PLD5: variants seen among roughly 807,000 people sequenced by gnomAD.
PLD5 encodes the protein inactive phospholipase D5.
In PLD5, 36 loss-of-function variants were observed where a neutral mutation model predicts 61.1. The observed-to-expected ratio is 0.59, with a 90% confidence interval of 0.45 to 0.78. The LOEUF is 0.78. PLD5 is among the 30% of genes least tolerant of loss of function. PLD5 has a pLI of 0.00. For synonymous variants in PLD5, 243 were observed against 242.8 expected (o/e 1.00, Z -0.01); for missense variants, 515 against 644.4 (o/e 0.80, Z 2.17).
At chr1:242,301,891 C>CGGG (rs1344923288) in intron 2 of PLD5, among the ~76,000 whole-genome samples, 1 of 151,920 alleles carries the variant, frequency 6.6e-6, no homozygotes, top group Non-Finnish European at 1.5e-5. Flanking sequence ...AACTCACCTG[C>CGGG]TTCAGCCTCC....
chr1:242,343,884 G>T (rs1483579437), intron 2 of PLD5, among the ~76,000 whole-genome samples: 1 of 152,054 alleles, frequency 6.6e-6, no homozygotes, highest in East Asian at 1.9e-4. Flanking sequence ...AGACAGAAGG[G>T]GTTGATAGAG....
upstream of PLD5, among the ~76,000 whole-genome samples, chr1:242,528,539 C>T (rs940071171): frequency 6.6e-6 from 1 of 151,060 alleles, no homozygotes; most frequent in Non-Finnish European, 1.5e-5. Context: ...AAATTTAAGA[C>T]CAAAAGTATC....
chr1:242,486,392 T>C (rs1436683599), intron 1 of PLD5, among the ~76,000 whole-genome samples: 3 of 152,066 alleles, frequency 2.0e-5, no homozygotes, highest in Non-Finnish European at 4.4e-5. Context: ...CATCAAAAAG[T>C]GGGCGAAGGA....
rs1179329004 is a variant in PLD5 at position 242,393,210 on chromosome 1, AT to A, written c.190-44969del. 7.3e-4 allele frequency among the ~76,000 whole-genome samples: 64 copies of A among 88,106 alleles called. 2 individuals carry two copies. Among genetic ancestry groups the A allele is most frequent in the African/African-American group, 4.2e-3 (62 of 14,846 alleles). The allele number at this position is 88,106 out of a possible 152,430, so 57.8% of individuals were successfully genotyped here. A position where few individuals can be genotyped will look rare whatever the true frequency, so the allele number is the denominator to read the frequency against. The stretch of plus-strand genomic sequence containing the variant: ...GACGACGACTCCGTCTCAAAAAAAT[AT>A]ATATATATATATGAGTATATATATG... On this transcript the variant is annotated intron_variant, in intron 1 of 9. Coordinates refer to ENST00000536534, the MANE Select transcript of PLD5 (RefSeq NM_001372062.1).
At chr1:242,160,758 G>A (rs1354010373) in intron 5 of PLD5, among the ~76,000 whole-genome samples, 4 of 152,020 alleles carry the variant, frequency 2.6e-5, no homozygotes, top group South Asian at 2.1e-4. Context: ...GGTTGCACAC[G>A]CCTGTAGTCC....
intron 5 of PLD5, among the ~76,000 whole-genome samples, chr1:242,214,471 T>C (rs530602231): frequency 1.3e-5 from 2 of 152,346 alleles, no homozygotes; most frequent in East Asian, 3.9e-4. Context: ...CATCCTGTTT[T>C]TATTACACAC....
intron 1 of PLD5, among the ~76,000 whole-genome samples, chr1:242,477,557 G>C (rs984886132): frequency 1.3e-5 from 2 of 152,192 alleles, no homozygotes; most frequent in Admixed American, 6.5e-5. Context: ...TGAGGCGCAG[G>C]GGAGAGAATG....
chr1:242,347,442 C>T (rs1660200529), intron 2 of PLD5, among the ~76,000 whole-genome samples: 1 of 152,084 alleles, frequency 6.6e-6, no homozygotes, highest in South Asian at 2.1e-4. Context: ...CTTCACCCTC[C>T]CCGAACCTGA....
intron 1 of PLD5, among the ~76,000 whole-genome samples, chr1:242,442,764 C>T (rs920178905): frequency 6.6e-6 from 1 of 152,180 alleles, no homozygotes; most frequent in African/African-American, 2.4e-5. Flanking sequence ...TAATCCTAAA[C>T]TAGTAAAGTC....
chr1:242,117,120 C>G (rs151137167), intron 6 of PLD5, among the ~76,000 whole-genome samples: 2 of 152,256 alleles, frequency 1.3e-5, no homozygotes, highest in Admixed American at 1.3e-4. Flanking sequence ...TGAACTGACT[C>G]CTGGTTTCTC....
chr1:242,419,380 A>AT (rs925645948), intron 1 of PLD5, among the ~76,000 whole-genome samples: 2 of 114,630 alleles, frequency 1.7e-5, no homozygotes, highest in Non-Finnish European at 3.4e-5. Flanking sequence ...TGCAGTCCTG[A>AT]TTTTTGTTTT....
intron 1 of PLD5, among the ~76,000 whole-genome samples, chr1:242,514,916 A>C (rs1219726525): frequency 6.6e-6 from 1 of 152,226 alleles, no homozygotes. Context: ...AGAGGACAGG[A>C]GAAGCATAGA....
chr1:242,265,778 A>C (rs901620873), intron 3 of PLD5, among the ~76,000 whole-genome samples: 1 of 152,220 alleles, frequency 6.6e-6, no homozygotes, highest in East Asian at 1.9e-4. Context: ...AAGATTAAGC[A>C]GTTGTGTTTT....
chr1:242,367,788 C>G (rs1661425024), intron 1 of PLD5, among the ~76,000 whole-genome samples: 2 of 152,026 alleles, frequency 1.3e-5, no homozygotes. Context: ...ACAGGTGAAC[C>G]CTTGAAAATA....
intron 3 of PLD5, among the ~76,000 whole-genome samples, chr1:242,275,857 T>C (rs2149119739): frequency 6.6e-6 from 1 of 152,018 alleles, no homozygotes; most frequent in African/African-American, 2.4e-5. Context: ...CATTGAAGAG[T>C]TTGGATCTCA....
chr1:242,127,540 G>T (rs1328013938), intron 5 of PLD5, among the ~76,000 whole-genome samples: 1 of 142,262 alleles, frequency 7.0e-6, no homozygotes, highest in African/African-American at 2.5e-5. Context: ...TATTCTAAGT[G>T]GAGTAACTCA....
intron 1 of PLD5, among the ~76,000 whole-genome samples, chr1:242,442,788 T>C (rs1299613006): frequency 6.6e-6 from 1 of 152,262 alleles, no homozygotes; most frequent in Non-Finnish European, 1.5e-5. Flanking sequence ...TTGTATGCAG[T>C]ATTTAATTTT....
At chr1:242,094,867 C>G (rs1465178940) in intron 9 of PLD5, among the ~76,000 whole-genome samples, 9 of 152,090 alleles carry the variant, frequency 5.9e-5, no homozygotes, top group Non-Finnish European at 1.5e-5. Context: ...TACCATTTTT[C>G]AGCTTGTAAG....
chr1:242,355,733 G>C (rs1381956922), intron 1 of PLD5, among the ~76,000 whole-genome samples: 1 of 151,852 alleles, frequency 6.6e-6, no homozygotes, highest in African/African-American at 2.4e-5. Context: ...GGCACTTATT[G>C]CTACAGACTC....
Sources: gnomAD v4.1 joint callset for allele counts (sites outside exome capture counted in the v4.1 genomes callset) on GRCh38, gnomAD v4.1.1 for gene constraint, MANE v1.5 for transcripts, NCBI Gene and HGNC (gene_info 2026-07-23, HGNC 2026-07-21) for gene names.